B4GALNT3: variants seen among roughly 807,000 people sequenced by gnomAD.
B4GALNT3 encodes beta-1,4-N-acetyl-galactosaminyltransferase 3.
In B4GALNT3, 86 loss-of-function variants were observed where a neutral mutation model predicts 120.2. The observed-to-expected ratio is 0.72, with a 90% CI of 0.60 to 0.86. The LOEUF is 0.86. B4GALNT3 is among the 40% of genes least tolerant of loss of function. The pLI, the probability that B4GALNT3 is intolerant of heterozygous loss-of-function variation, is 0.00. For missense variants in B4GALNT3, 1,167 were observed against 1,298.9 expected, an observed-to-expected ratio of 0.90 and a Z score of 1.56; for synonymous variants, 518 against 510.4, an observed-to-expected ratio of 1.01 and a Z score of -0.20.
At chr12:484,974 A>T (rs868227705) in intron 1 of B4GALNT3, among the ~76,000 whole-genome samples, 3 of 152,144 alleles carry the variant, frequency 2.0e-5, no homozygotes, top group Non-Finnish European at 4.4e-5. Context: ...ACGCTGTCCA[A>T]CTGGTATTCC....
At chr12:514,498 A>G (rs1322528922) in intron 1 of B4GALNT3, among the ~76,000 whole-genome samples, 1 of 151,696 alleles carries the variant, frequency 6.6e-6, no homozygotes, top group Non-Finnish European at 1.5e-5. Context: ...CGCCCAGCCT[A>G]TTTTTTTTAA....
intron 1 of B4GALNT3, among the ~76,000 whole-genome samples, chr12:467,939 T>G (rs1946097867): frequency 6.6e-6 from 1 of 152,214 alleles, no homozygotes; most frequent in Admixed American, 6.5e-5. Context: ...CTCGTCGTGT[T>G]GGTTACTAGG....
intron 1 of B4GALNT3, among the ~76,000 whole-genome samples, chr12:527,543 C>T (rs921103543): frequency 2.0e-5 from 3 of 152,200 alleles, no homozygotes; most frequent in Admixed American, 6.5e-5. Context: ...CTCAGGGTAG[C>T]GTCGGGGAAG....
chr12:525,086 T>TTTTGTTTATTTA lies in B4GALNT3; in HGVS notation c.170-10077_170-10076insGTTTATTTATTT, dbSNP rs1555156518. The stretch of plus-strand genomic sequence containing the variant: ...TCTAGCCTCTTCATAAATAACACAA[T>TTTTGTTTATTTA]TTTATTTATTTATTTATTTATTTAT... On this transcript the variant is annotated intron_variant, in intron 1 of 19. Transcript: ENST00000266383. Among the ~76,000 whole-genome samples, 1,262 of 130,612 alleles carry TTTTGTTTATTTA rather than the reference T, an allele frequency of 9.7e-3. 20 individuals are homozygous for TTTTGTTTATTTA. Among genetic ancestry groups the TTTTGTTTATTTA allele is most frequent in the African/African-American group, 0.03 (1,196 of 39,656 alleles). The allele number at this position is 130,612 out of a possible 152,430, so 85.7% of individuals were successfully genotyped here.
chr12:482,227 G>A (rs969227802), intron 1 of B4GALNT3, among the ~76,000 whole-genome samples: 3 of 152,196 alleles, frequency 2.0e-5, no homozygotes, highest in East Asian at 1.9e-4. Context: ...TTTGGGACAC[G>A]TTACCATTTG....
chr12:496,472 C>T (rs557291715), intron 1 of B4GALNT3, among the ~76,000 whole-genome samples: 1 of 152,190 alleles, frequency 6.6e-6, no homozygotes, highest in South Asian at 2.1e-4. Flanking sequence ...TGGTGGCACA[C>T]ACCTGTGATC....
intron 1 of B4GALNT3, among the ~76,000 whole-genome samples, chr12:502,879 G>T (rs1946458453): frequency 6.6e-6 from 1 of 152,040 alleles, no homozygotes; most frequent in Admixed American, 6.6e-5. Context: ...TCAGCCTCCA[G>T]AGTAGCTGGG....
chr12:552,540 C>T lies in B4GALNT3; in HGVS notation c.1270+12C>T. 1.2e-6 allele frequency: 2 copies of T among 1,612,766 alleles called. No homozygotes were observed. Among genetic ancestry groups the T allele is most frequent in the South Asian group, 1.1e-5 (1 of 91,038 alleles). ...GCTGGAGCAGCCAGGTACAGAGTGA[C>T]AGCTGAGGCTTCCAGGTCAGGCTGA... On this transcript the variant is annotated intron_variant, in intron 13 of 19. Coordinates refer to ENST00000266383, the MANE Select transcript of B4GALNT3 (RefSeq NM_173593.4).
chr12:543,038 T>A lies in B4GALNT3; in HGVS notation c.352-1301T>A, dbSNP rs2120685258. ...GAAACCCCAGCCGGCTCCTCCTAGTTCCCTGTCCTCTCAGCTATTCTGTCA... is the reference window on the plus strand; with the variant it reads ...GAAACCCCAGCCGGCTCCTCCTAGTACCCTGTCCTCTCAGCTATTCTGTCA... On this transcript the variant is annotated intron_variant, in intron 3 of 19. Coordinates refer to ENST00000266383, the MANE Select transcript of B4GALNT3 (RefSeq NM_173593.4). 6.9e-6 allele frequency: 8 copies of A among 1,165,246 alleles called. No individual in the cohort carries two copies. In the South Asian group the frequency reaches 1.0e-4, roughly 15 times the overall value. The allele number at this position is 1,165,246 out of a possible 1,614,324, so 72.2% of individuals were successfully genotyped here.
chr12:538,201 C>T (rs1592047663), intron 3 of B4GALNT3, among the ~76,000 whole-genome samples: 1 of 152,018 alleles, frequency 6.6e-6, no homozygotes, highest in Admixed American at 6.6e-5. Context: ...CTTGTTTTTG[C>T]CAATCAAGGC....
In B4GALNT3 at chr12:553,553, A is replaced by G. The variant is rs759515420; in HGVS notation, c.1630A>G (p.Met544Val). Residue 544 changes from methionine (M) to valine (V), a missense_variant, in exon 14 of 20, where the codon ATG becomes GTG. Physicochemically the swap from Met to Val is conservative, Grantham distance 21 (BLOSUM62 1). This residue lies in a region of B4GALNT3 where 983 missense variants were observed against 1,102.5 expected (regional missense o/e 0.89). Transcript: ENST00000266383. ...GCACCCTGTGAAGAACCTGCCTCAG[A>G]TGAGGGGGCCCAGGCCCAGGCCCGC... is the stretch of plus-strand genomic sequence containing the variant. The part of the protein sequence containing the change: ...PGHPVKNLPQ[M>V]RGPRPRPAGD... The G allele has an allele frequency of 1.2e-6, 2 of 1,613,956 alleles. No individual in the cohort carries two copies. The highest frequency in any genetic ancestry group is 3.3e-5 in the Admixed American group (2 of 60,034).
chr12:554,544 A>C (rs1442507716), intron 14 of B4GALNT3, among the ~76,000 whole-genome samples: 1 of 152,144 alleles, frequency 6.6e-6, no homozygotes, highest in African/African-American at 2.4e-5. Flanking sequence ...TAATCCCAGC[A>C]CTTTGGGAGG....
chr12:540,190 C>A (rs948083662), intron 3 of B4GALNT3, among the ~76,000 whole-genome samples: 3 of 152,222 alleles, frequency 2.0e-5, no homozygotes, highest in Admixed American at 6.5e-5. Context: ...GCTGACGGTG[C>A]CTGCCTTCGT....
chr12:536,106 G>A (rs1254741691), intron 2 of B4GALNT3, 112 bp from the exon 3 acceptor site: 3 of 776,354 alleles, frequency 3.9e-6, no homozygotes, highest in Non-Finnish European at 6.9e-6. Context: ...AATGACAGAC[G>A]GCAGCGTGCT....
intron 1 of B4GALNT3, among the ~76,000 whole-genome samples, chr12:525,921 C>T (rs925999382): frequency 8.5e-5 from 13 of 152,184 alleles, no homozygotes; most frequent in African/African-American, 3.1e-4. Context: ...TTTCCAATCC[C>T]GGAAAACGTG....
chr12:561,307 G>A (rs1448257189), intron 19 of B4GALNT3, 36 bp from the exon 20 acceptor site: 1 of 1,557,234 alleles, frequency 6.4e-7, no homozygotes, highest in Non-Finnish European at 8.9e-7. Context: ...TGCCTTCTGT[G>A]CTTCTGTTGG....
chr12:506,637 A>G (rs917446767), intron 1 of B4GALNT3, among the ~76,000 whole-genome samples: 9 of 151,498 alleles, frequency 5.9e-5, no homozygotes, highest in African/African-American at 2.2e-4. Flanking sequence ...TTTATTTTTT[A>G]TTTTATTTAT....
intron 1 of B4GALNT3, among the ~76,000 whole-genome samples, chr12:503,370 G>T (rs1360324591): frequency 1.3e-5 from 2 of 152,122 alleles, no homozygotes; most frequent in East Asian, 3.8e-4. Flanking sequence ...TTTTCACTCT[G>T]TTGACAGCCA....
intron 11 of B4GALNT3, 70 bp downstream of exon 11, chr12:551,101 G>A: frequency 7.5e-7 from 1 of 1,325,864 alleles, no homozygotes; most frequent in Non-Finnish European, 1.1e-6. Context: ...TGGGATGGGA[G>A]GTGGTGAGGC....
Sources: gnomAD v4.1 joint callset for allele counts (sites outside exome capture counted in the v4.1 genomes callset) on GRCh38, gnomAD v4.1.1 for gene constraint, gnomAD v4.1.1 regional missense constraint, MANE v1.5 for transcripts, NCBI Gene and HGNC (gene_info 2026-07-23, HGNC 2026-07-21) for gene names.